APBA2: variants seen among roughly 807,000 people sequenced by gnomAD.
APBA2 encodes the protein amyloid beta precursor protein binding family A member 2, also known as amyloid-beta A4 precursor protein-binding family A member 2.
Under a neutral mutation model 75.0 loss-of-function variants are expected in APBA2, and 30 were observed. The observed-to-expected ratio is 0.40, with a 90% CI of 0.30 to 0.54. APBA2 has a LOEUF of 0.54. APBA2 is among the 20% of genes least tolerant of loss of function. APBA2 has a pLI of 0.49. For missense variants in APBA2, 801 were observed against 1,016.1 expected, an observed-to-expected ratio of 0.79 and a Z score of 2.88; for synonymous variants, 444 against 409.6, an observed-to-expected ratio of 1.08 and a Z score of -1.01.
intron 2 of APBA2, among the ~76,000 whole-genome samples, chr15:28,959,940 T>C (rs2036376184): frequency 6.6e-6 from 1 of 151,844 alleles, no homozygotes; most frequent in African/African-American, 2.4e-5. Flanking sequence ...ACCCAGGAAT[T>C]TGAGAGCAGC....
rs2038483183 is a variant in APBA2, at chr15:28,995,755, A to G, written c.-92A>G. 1 of 152,190 alleles carries G rather than the reference A, an allele frequency of 6.6e-6. No homozygotes were observed. Among genetic ancestry groups the G allele is most frequent in the South Asian group, 2.1e-4 (1 of 4,824 alleles). The allele number at this position is 152,190 out of a possible 1,614,324, so 9.4% of individuals were successfully genotyped here. On this transcript the variant is annotated splice_region_variant and 5_prime_UTR_variant, in exon 3 of 15. Transcript: ENST00000683413. ...TGTTTTCTTCTGCTTTATTCCAGAA[A>G]GATTTGATCACCAGGAGATTTTTCG...
intron 2 of APBA2, among the ~76,000 whole-genome samples, chr15:28,982,661 T>C (rs1347832667): frequency 6.6e-6 from 1 of 152,234 alleles, no homozygotes; most frequent in Non-Finnish European, 1.5e-5. Flanking sequence ...CATTGGAAAA[T>C]AGGTTGATAA....
chr15:28,984,853 ATCTCTCTCTC>A (rs66710666), intron 2 of APBA2, among the ~76,000 whole-genome samples: 2 of 74,008 alleles, frequency 2.7e-5, no homozygotes, highest in South Asian at 9.2e-4. Flanking sequence ...GAGCTGCTCT[ATCTCTCTCTC>A]TCTCTCTCTC....
intron 3 of APBA2, among the ~76,000 whole-genome samples, chr15:29,013,632 G>A (rs1283960038): frequency 6.6e-6 from 1 of 152,154 alleles, no homozygotes; most frequent in East Asian, 1.9e-4. Flanking sequence ...AGTCACAAGG[G>A]CTTTAGCAAA....
At chr15:29,116,917 T>TG in intron 14 of APBA2, 145 bp from the exon 15 acceptor site, 1 of 864,842 alleles carries the variant, frequency 1.2e-6, no homozygotes, top group Admixed American at 1.7e-5. Flanking sequence ...TCCCCAGGCC[T>TG]GGGCAGGCTG....
At chr15:29,113,795 A>G in intron 13 of APBA2, 81 bp from the exon 14 acceptor site, 1 of 1,576,040 alleles carries the variant, frequency 6.3e-7, no homozygotes. Context: ...TTCCCTCTGC[A>G]TGTCCCATCT....
At chr15:28,934,254 T>C (rs1336737392) in intron 2 of APBA2, among the ~76,000 whole-genome samples, 1 of 151,908 alleles carries the variant, frequency 6.6e-6, no homozygotes, top group African/African-American at 2.4e-5. Context: ...TGTGTATGAT[T>C]GTGAGTGTGG....
At position 29,101,762 on chromosome 15, in the gene APBA2, G is replaced by T; in HGVS notation, c.1502G>T (p.Cys501Phe). The T allele has an allele frequency of 1.2e-6, 2 of 1,613,544 alleles. No individual in the cohort carries two copies. The highest frequency in any genetic ancestry group is 1.7e-6 in the Non-Finnish European group (2 of 1,179,988). ...QEGKKQYKMI[C>F]HVFESEDAQL... ...GGCAAGAAGCAGTATAAGATGATCT[G>T]CCATGTGTTCGAGTCGGAGGATGTA... The change falls in exon 10 of 15, where the codon TGC (cysteine) becomes TTC (phenylalanine). Residue 501 changes from cysteine to phenylalanine, a missense_variant. This residue lies in a region of APBA2 where 367 missense variants were observed against 544.5 expected (regional missense o/e 0.67). Coordinates refer to ENST00000683413, the MANE Select transcript of APBA2 (RefSeq NM_001353788.2).
intron 3 of APBA2, among the ~76,000 whole-genome samples, chr15:29,002,093 G>A (rs1432632440): frequency 6.6e-6 from 1 of 152,168 alleles, no homozygotes; most frequent in African/African-American, 2.4e-5. Flanking sequence ...CACTCCCAAA[G>A]CACCATATAA....
intron 1 of APBA2, among the ~76,000 whole-genome samples, chr15:28,909,005 G>A (rs1385622141): frequency 6.8e-5 from 4 of 58,874 alleles, no homozygotes; most frequent in African/African-American, 3.7e-4. Context: ...TTTTTTTTTT[G>A]AGACACTGTC....
chr15:28,965,585 G>C (rs2036697845), intron 2 of APBA2, among the ~76,000 whole-genome samples: 1 of 152,090 alleles, frequency 6.6e-6, no homozygotes, highest in Non-Finnish European at 1.5e-5. Context: ...TAACTATGTT[G>C]AGCGTTCCAG....
chr15:29,062,649 TTTCTAAAACATTG>T (rs1241369897), intron 4 of APBA2, among the ~76,000 whole-genome samples: 2 of 151,918 alleles, frequency 1.3e-5, no homozygotes, highest in East Asian at 3.9e-4. Flanking sequence ...AAAGCCGGGG[TTTCTAAAACATTG>T]TTCTAAAACA....
At chr15:28,998,206 T>TG in intron 3 of APBA2, among the ~76,000 whole-genome samples, 1 of 151,586 alleles carries the variant, frequency 6.6e-6, no homozygotes, top group East Asian at 1.9e-4. Context: ...TTTTCTTTTT[T>TG]TTTTTTTTTT....
intron 1 of APBA2, among the ~76,000 whole-genome samples, chr15:28,892,704 A>T (rs561959242): frequency 3.0e-4 from 45 of 152,006 alleles, no homozygotes; most frequent in South Asian, 2.3e-3. Context: ...TATATATAAA[A>T]TTTTTTTTAT....
chr15:29,116,343 T>C (rs1383297881), intron 14 of APBA2, among the ~76,000 whole-genome samples: 1 of 152,056 alleles, frequency 6.6e-6, no homozygotes, highest in Admixed American at 6.6e-5. Flanking sequence ...AGAAGGGGTG[T>C]AGGCCGGGCG....
rs150063856 is a variant in APBA2, at chr15:28,985,256, A to G, written c.-94-10497A>G. 1.7e-4 allele frequency among the ~76,000 whole-genome samples: 26 copies of G among 152,302 alleles called. 1 individual carries two copies. In the East Asian group the frequency reaches 4.1e-3, roughly 24 times the overall value. On this transcript the variant is annotated intron_variant, in intron 2 of 14. Coordinates refer to ENST00000683413, the MANE Select transcript of APBA2 (RefSeq NM_001353788.2). ...TGCACTGCAGGGGCACGGGCTCAGC[A>G]TGTTCTGGGCCAGGGCACACAATGC...
At chr15:29,051,621 C>T (rs1595837666) in intron 3 of APBA2, among the ~76,000 whole-genome samples, 1 of 152,296 alleles carries the variant, frequency 6.6e-6, no homozygotes, top group East Asian at 1.9e-4. Context: ...TGGGAATATT[C>T]ATACTGCTGT....
At chr15:29,039,098 GGTGTGTGTGT>G (rs57326919) in intron 3 of APBA2, among the ~76,000 whole-genome samples, 5,947 of 106,246 alleles carry the variant, frequency 0.056, 280 homozygotes, top group East Asian at 0.2. Context: ...TGTATGTCAG[GGTGTGTGTGT>G]GTGTGTGTGT....
chr15:28,976,726 CTTTA>C (rs1203965533), intron 2 of APBA2, among the ~76,000 whole-genome samples: 2 of 152,166 alleles, frequency 1.3e-5, no homozygotes, highest in African/African-American at 4.8e-5. Context: ...TTGGCTAATA[CTTTA>C]TTTAGGATGT....
Sources: gnomAD v4.1 joint callset for allele counts (sites outside exome capture counted in the v4.1 genomes callset) on GRCh38, gnomAD v4.1.1 for gene constraint, gnomAD v4.1.1 regional missense constraint, MANE v1.5 for transcripts, NCBI Gene and HGNC (gene_info 2026-07-23, HGNC 2026-07-21) for gene names.